Variants in SLC24A4 observed in about 807,000 individuals in gnomAD.
SLC24A4 encodes the protein sodium/potassium/calcium exchanger 4.
In SLC24A4, 53 loss-of-function variants were observed where a neutral mutation model predicts 79.0. The observed-to-expected ratio is 0.67, with a 90% confidence interval of 0.54 to 0.84. The LOEUF (loss-of-function observed/expected upper bound fraction) is 0.84. SLC24A4 is among the 40% of genes least tolerant of loss of function. SLC24A4 has a pLI of 0.00. For missense variants in SLC24A4, 731 were observed against 822.0 expected (o/e 0.89, Z 1.35); for synonymous variants, 323 against 323.8 (o/e 1.00, Z 0.03).
intron 2 of SLC24A4, among the ~76,000 whole-genome samples, chr14:92,360,343 C>T (rs888040875): frequency 2.6e-5 from 4 of 152,102 alleles, no homozygotes; most frequent in African/African-American, 9.7e-5. Context: ...TCAAGCAATC[C>T]TCCCTCCTCA....
intron 2 of SLC24A4, among the ~76,000 whole-genome samples, chr14:92,362,418 A>C (rs1203565932): frequency 6.6e-6 from 1 of 151,926 alleles, no homozygotes; most frequent in East Asian, 1.9e-4. Context: ...CAGTCCCCCC[A>C]ATGTTCACCT....
In SLC24A4 at chr14:92,490,705, G is replaced by A. The variant is rs1023081768; in HGVS notation, c.1538-960G>A. Among the ~76,000 whole-genome samples, 2 of 152,136 alleles carry A rather than the reference G, an allele frequency of 1.3e-5. No homozygotes were observed. The highest frequency in any genetic ancestry group is 4.8e-5 in the African/African-American group (2 of 41,418). ...TGCCCCACTCCGGCCTCCAGCCCAG[G>A]GTAGCTGGGAACATGAAGTGAGGCG... is the stretch of plus-strand genomic sequence containing the variant. On this transcript the variant is annotated intron_variant, in intron 14 of 16. Coordinates refer to ENST00000532405, the MANE Select transcript of SLC24A4 (RefSeq NM_153646.4). The surrounding 1 kb of genome is among the most constrained non-coding windows in gnomAD (Gnocchi z 4.3).
intron 2 of SLC24A4, among the ~76,000 whole-genome samples, chr14:92,334,649 G>T (rs1157656893): frequency 6.6e-6 from 1 of 152,144 alleles, no homozygotes; most frequent in African/African-American, 2.4e-5. Flanking sequence ...CTTGAAGATG[G>T]TAGTTGGACA....
At chr14:92,468,892 CTGTGTGTGTGTGTGTGTGTG>C (rs57575129) in intron 12 of SLC24A4, among the ~76,000 whole-genome samples, 1 of 81,414 alleles carries the variant, frequency 1.2e-5, no homozygotes, top group East Asian at 2.9e-4. Flanking sequence ...AATCATGTAT[CTGTGTGTGTGTGTGTGTGTG>C]TGTGTGTGTG....
At chr14:92,419,751 G>A (rs1449365985) in intron 2 of SLC24A4, among the ~76,000 whole-genome samples, 2 of 152,210 alleles carry the variant, frequency 1.3e-5, no homozygotes, top group Non-Finnish European at 1.5e-5. Flanking sequence ...TCATACAGGA[G>A]TTGTTTTCAT....
At chr14:92,439,171 T>A (rs1892351748) in intron 3 of SLC24A4, among the ~76,000 whole-genome samples, 164 bp from the exon 4 acceptor site, 1 of 152,150 alleles carries the variant, frequency 6.6e-6, no homozygotes, top group Admixed American at 6.5e-5. Context: ...CATTTGCCAA[T>A]AAGGGGATTG....
intron 16 of SLC24A4, among the ~76,000 whole-genome samples, chr14:92,492,627 CTGTG>C (rs1895746559): frequency 6.6e-6 from 1 of 152,188 alleles, no homozygotes; most frequent in Non-Finnish European, 1.5e-5. Context: ...ATGTCCAGGT[CTGTG>C]CTGAGCACTT....
intron 2 of SLC24A4, among the ~76,000 whole-genome samples, chr14:92,340,067 G>A (rs1886039078): frequency 6.6e-6 from 1 of 152,164 alleles, no homozygotes; most frequent in African/African-American, 2.4e-5. Context: ...TTCCAAGATG[G>A]GAGCATGAAA....
At chr14:92,419,402 GCT>G (rs1251108921) in intron 2 of SLC24A4, among the ~76,000 whole-genome samples, 1 of 152,204 alleles carries the variant, frequency 6.6e-6, no homozygotes, top group Non-Finnish European at 1.5e-5. Context: ...TGCTGTAGCA[GCT>G]ACCTTCCCGC....
intron 2 of SLC24A4, among the ~76,000 whole-genome samples, chr14:92,327,340 C>T (rs1487484717): frequency 1.3e-5 from 2 of 152,194 alleles, no homozygotes; most frequent in Non-Finnish European, 2.9e-5. Context: ...GGTGGCCCAG[C>T]AGGCGGGGTG....
At chr14:92,429,891 C>T (rs1434056767) in intron 2 of SLC24A4, among the ~76,000 whole-genome samples, 1 of 152,148 alleles carries the variant, frequency 6.6e-6, no homozygotes, top group African/African-American at 2.4e-5. Context: ...TGGGCATCAC[C>T]CTCTCCTGGG....
intron 2 of SLC24A4, among the ~76,000 whole-genome samples, chr14:92,427,790 G>A (rs1349470840): frequency 6.6e-6 from 1 of 152,256 alleles, no homozygotes. Context: ...ATGTTTGTAT[G>A]TCCCCAGCAT....
chr14:92,426,018 A>G (rs1203652352), intron 2 of SLC24A4, among the ~76,000 whole-genome samples: 4 of 152,052 alleles, frequency 2.6e-5, no homozygotes, highest in Non-Finnish European at 4.4e-5. Context: ...ATCAATCAAT[A>G]TAAATGGAGG....
chr14:92,416,122 G>GGTGTGTGTGTGT (rs34411259), intron 2 of SLC24A4, among the ~76,000 whole-genome samples: 3 of 147,918 alleles, frequency 2.0e-5, no homozygotes, highest in African/African-American at 7.4e-5. Flanking sequence ...TTGTGTGTGT[G>GGTGTGTGTGTGT]GTGTGTGTGT....
intron 13 of SLC24A4, 105 bp downstream of exon 13, chr14:92,482,951 C>A: frequency 1.9e-6 from 2 of 1,069,026 alleles, no homozygotes; most frequent in Admixed American, 2.7e-5. Context: ...TTGGGCGAGT[C>A]ACTGGCCTCA....
intron 2 of SLC24A4, among the ~76,000 whole-genome samples, chr14:92,389,504 C>T: frequency 6.6e-6 from 1 of 152,176 alleles, no homozygotes; most frequent in South Asian, 2.1e-4. Flanking sequence ...GGGTGCAGCC[C>T]CTGGAAACCC....
At chr14:92,475,858 G>T (rs1167400205) in intron 12 of SLC24A4, among the ~76,000 whole-genome samples, 3 of 152,290 alleles carry the variant, frequency 2.0e-5, no homozygotes, top group East Asian at 1.9e-4. Context: ...AAAAGAAAAT[G>T]CTGGTTGCCC....
At chr14:92,418,825 C>G (rs374533088) in intron 2 of SLC24A4, among the ~76,000 whole-genome samples, 9 of 152,188 alleles carry the variant, frequency 5.9e-5, no homozygotes, top group African/African-American at 2.2e-4. Context: ...CATCAGCCTC[C>G]TGAGTAGCTG....
chr14:92,339,912 G>A (rs1886028348), intron 2 of SLC24A4, among the ~76,000 whole-genome samples: 1 of 152,252 alleles, frequency 6.6e-6, no homozygotes, highest in South Asian at 2.1e-4. Flanking sequence ...AAGAGTCTTA[G>A]GCAGAAGTGA....
Sources: allele counts gnomAD v4.1 joint callset (sites outside exome capture counted in the v4.1 genomes callset), GRCh38; gene constraint gnomAD v4.1.1; non-coding constraint Gnocchi (gnomAD v3.1); transcripts MANE v1.5; gene names NCBI Gene and HGNC (gene_info 2026-07-23, HGNC 2026-07-21).